Variants in PDE1C observed in about 807,000 individuals in gnomAD.
PDE1C encodes the protein phosphodiesterase 1C, also known as dual specificity calcium/calmodulin-dependent 3',5'-cyclic nucleotide phosphodiesterase 1C.
A neutral mutation model predicts 93.1 loss-of-function variants in PDE1C; 62 were observed. That is an observed-to-expected ratio of 0.67 (90% CI 0.54 to 0.82). The LOEUF (loss-of-function observed/expected upper bound fraction) is 0.82. Among genes scored for constraint, PDE1C ranks in the 40% least tolerant of loss-of-function variants. The pLI is 0.00. For missense variants in PDE1C, 742 were observed against 884.6 expected, an observed-to-expected ratio of 0.84 and a Z score of 2.04; for synonymous variants, 325 against 310.1, an observed-to-expected ratio of 1.05 and a Z score of -0.50.
chr7:32,200,782 C>G (rs1804953351), intron 2 of PDE1C, among the ~76,000 whole-genome samples: 2 of 152,254 alleles, frequency 1.3e-5, no homozygotes, highest in South Asian at 4.2e-4. Context: ...TACAGGCCAC[C>G]CAGACTCAAG....
At position 31,793,961 on chromosome 7, in the gene PDE1C, GGACA is replaced by G. The variant is rs551187048; in HGVS notation, c.1891+15066_1891+15069del. Among the ~76,000 whole-genome samples the G allele has an allele frequency of 5.4e-5, 8 of 149,034 alleles. No homozygotes were observed. In the South Asian group the frequency reaches 1.3e-3, roughly 24 times the overall value. Reference sequence around the variant, plus strand: ...TCCAGCACAGAAAAATAAAACAGAAGGACAGATAGACAGACACATAGATAAACCA... The same window carrying G: ...TCCAGCACAGAAAAATAAAACAGAAGGATAGACAGACACATAGATAAACCA... On this transcript the variant is annotated intron_variant, in intron 16 of 17. Coordinates refer to ENST00000396191, the MANE Select transcript of PDE1C (RefSeq NM_001191057.4).
At chr7:31,764,309 T>C (rs1446849624) in intron 17 of PDE1C, among the ~76,000 whole-genome samples, 1 of 152,108 alleles carries the variant, frequency 6.6e-6, no homozygotes, top group Non-Finnish European at 1.5e-5. Context: ...CACACCCAGA[T>C]AATTTTTTGT....
At chr7:31,912,443 T>C (rs1236087105) in intron 2 of PDE1C, among the ~76,000 whole-genome samples, 1 of 152,126 alleles carries the variant, frequency 6.6e-6, no homozygotes, top group Admixed American at 6.6e-5. Flanking sequence ...CCCAGTACTT[T>C]GGGAGGCCGA....
At chr7:31,940,440 A>T (rs906619123) in intron 2 of PDE1C, among the ~76,000 whole-genome samples, 1 of 152,190 alleles carries the variant, frequency 6.6e-6, no homozygotes, top group African/African-American at 2.4e-5. Context: ...TTCATGATTC[A>T]TCCTCTTTTA....
chr7:32,059,071 G>A (rs1195411412), intron 1 of PDE1C, among the ~76,000 whole-genome samples: 1 of 152,084 alleles, frequency 6.6e-6, no homozygotes, highest in Non-Finnish European at 1.5e-5. Context: ...TTTTCTAGTA[G>A]AGAAAATTGT....
At chr7:31,788,542 C>T (rs1584085625) in intron 16 of PDE1C, 1 of 152,172 alleles carries the variant, frequency 6.6e-6, no homozygotes, top group South Asian at 2.1e-4. Flanking sequence ...ACAGCACCCA[C>T]CCTCTCCAAT....
chr7:32,124,050 T>C (rs1041755835), intron 3 of PDE1C, among the ~76,000 whole-genome samples: 1 of 151,888 alleles, frequency 6.6e-6, no homozygotes, highest in Non-Finnish European at 1.5e-5. Context: ...AAGCATTCCT[T>C]TACACAAACA....
At chr7:32,289,349 G>A (rs888201282) in intron 1 of PDE1C, among the ~76,000 whole-genome samples, 1 of 152,240 alleles carries the variant, frequency 6.6e-6, no homozygotes, top group Non-Finnish European at 1.5e-5. Flanking sequence ...GGCCAAGGCT[G>A]TGGTGAACCG....
At chr7:31,864,398 C>T (rs147698088) in intron 7 of PDE1C, among the ~76,000 whole-genome samples, 108 of 152,166 alleles carry the variant, frequency 7.1e-4, no homozygotes, top group South Asian at 3.1e-3. Flanking sequence ...ACATCTAAAG[C>T]GCTAAAATGT....
chr7:32,186,160 T>C (rs1441458899), intron 2 of PDE1C, among the ~76,000 whole-genome samples: 1 of 148,826 alleles, frequency 6.7e-6, no homozygotes, highest in Non-Finnish European at 1.5e-5. Flanking sequence ...CGGACTGCAG[T>C]GGCGCAATCT....
the PDE1C span, chr7:31,652,655 C>T: frequency 3.6e-4 from 578 of 1,613,808 alleles, 12 homozygotes; most frequent in South Asian, 4.9e-3. Context: ...TGTTTCCTCC[C>T]GATGATGGCC....
At chr7:32,350,558 A>AAGTCTTTT (rs1562686424) in intron 1 of PDE1C, among the ~76,000 whole-genome samples, 83 of 1,110 alleles carry the variant, frequency 0.075, 40 homozygotes, top group Admixed American at 0.2. Flanking sequence ...ATATATATAT[A>AAGTCTTTT]TATATATATA....
chr7:31,642,334 C>G, the PDE1C span: 1 of 978,988 alleles, frequency 1.0e-6, no homozygotes, highest in Non-Finnish European at 1.5e-6. Flanking sequence ...GGCTGCCACC[C>G]AAACCTCACT....
the PDE1C span, among the ~76,000 whole-genome samples, chr7:31,625,637 G>A: frequency 1.1e-4 from 16 of 152,176 alleles, no homozygotes; most frequent in Admixed American, 2.6e-4. Context: ...TGGGAGGAGG[G>A]GGGAGGGATA....
At chr7:32,122,820 CA>C (rs1799371591) in intron 3 of PDE1C, among the ~76,000 whole-genome samples, 1 of 152,084 alleles carries the variant, frequency 6.6e-6, no homozygotes, top group South Asian at 2.1e-4. Context: ...GAAGCAAGAG[CA>C]AACTAATCCA....
At chr7:32,369,363 C>T (rs867439110) in intron 1 of PDE1C, among the ~76,000 whole-genome samples, 1 of 152,080 alleles carries the variant, frequency 6.6e-6, no homozygotes, top group African/African-American at 2.4e-5. Context: ...TGAAGACATA[C>T]AAATGGCCAA....
At chr7:32,363,179 A>G (rs1283388132) in intron 1 of PDE1C, among the ~76,000 whole-genome samples, 1 of 152,224 alleles carries the variant, frequency 6.6e-6, no homozygotes, top group Non-Finnish European at 1.5e-5. Context: ...GGGCATATTT[A>G]TTATTGTGAC....
downstream of PDE1C, among the ~76,000 whole-genome samples, chr7:31,748,383 C>T (rs1794050627): frequency 6.6e-6 from 1 of 152,114 alleles, no homozygotes; most frequent in Admixed American, 6.5e-5. Flanking sequence ...GATATCTAGA[C>T]GAGATGGTTC....
intron 17 of PDE1C, among the ~76,000 whole-genome samples, chr7:31,754,669 T>C (rs191167138): frequency 4.9e-4 from 75 of 152,350 alleles, no homozygotes; most frequent in Middle Eastern, 3.4e-3. Flanking sequence ...ATTCCACTTA[T>C]ACGACATTCT....
Sources: allele counts gnomAD v4.1 joint callset (sites outside exome capture counted in the v4.1 genomes callset), GRCh38; gene constraint gnomAD v4.1.1; transcripts MANE v1.5; gene names NCBI Gene and HGNC (gene_info 2026-07-23, HGNC 2026-07-21).